Variants in ITFG1 observed in about 807,000 individuals in gnomAD.
ITFG1 encodes the protein T-cell immunomodulatory protein.
A neutral mutation model predicts 81.8 loss-of-function variants in ITFG1; 34 were observed. The observed-to-expected ratio is 0.42, with a 90% confidence interval of 0.32 to 0.55. ITFG1 has a LOEUF of 0.55. Among genes scored for constraint, ITFG1 ranks in the 20% least tolerant of loss-of-function variants. ITFG1 has a pLI of 0.17. For missense variants in ITFG1, 672 were observed against 755.4 expected, an observed-to-expected ratio of 0.89 and a Z score of 1.29; for synonymous variants, 285 against 270.6, an observed-to-expected ratio of 1.05 and a Z score of -0.52.
intron 6 of ITFG1, among the ~76,000 whole-genome samples, chr16:47,383,390 A>G (rs1227840148): frequency 6.6e-6 from 1 of 152,194 alleles, no homozygotes; most frequent in Non-Finnish European, 1.5e-5. Context: ...GTCTGCAATA[A>G]TTTGGTTTAT....
At chr16:47,183,057 C>T (rs1965152938) in intron 14 of ITFG1, among the ~76,000 whole-genome samples, 2 of 152,212 alleles carry the variant, frequency 1.3e-5, no homozygotes, top group Non-Finnish European at 2.9e-5. Context: ...CCGCGCTTTT[C>T]CGACGGGCTT....
At chr16:47,220,896 T>G (rs986043974) in intron 13 of ITFG1, among the ~76,000 whole-genome samples, 2 of 152,190 alleles carry the variant, frequency 1.3e-5, no homozygotes, top group African/African-American at 4.8e-5. Flanking sequence ...TTCAGAACTT[T>G]GCAAGAATCC....
intron 5 of ITFG1, among the ~76,000 whole-genome samples, chr16:47,442,615 A>G (rs1434145351): frequency 6.6e-6 from 1 of 152,170 alleles, no homozygotes; most frequent in African/African-American, 2.4e-5. Context: ...CAACTATCTG[A>G]TCTTTGACAA....
intron 6 of ITFG1, among the ~76,000 whole-genome samples, chr16:47,412,236 TC>T (rs1343072313): frequency 6.6e-6 from 1 of 151,988 alleles, no homozygotes. Context: ...CTGCACTAGA[TC>T]CCCAGCAACA....
intron 13 of ITFG1, among the ~76,000 whole-genome samples, chr16:47,223,541 C>T (rs1226126482): frequency 3.3e-5 from 5 of 152,154 alleles, no homozygotes; most frequent in Non-Finnish European, 4.4e-5. Context: ...GTTAGAATGG[C>T]AATCATTAAA....
intron 6 of ITFG1, among the ~76,000 whole-genome samples, chr16:47,416,259 TAA>T (rs936147055): frequency 6.7e-6 from 1 of 150,190 alleles, no homozygotes; most frequent in Non-Finnish European, 1.5e-5. Flanking sequence ...ATACATAACT[TAA>T]AAAAAAAGAG....
At chr16:47,423,825 G>A (rs1267230165) in intron 6 of ITFG1, among the ~76,000 whole-genome samples, 1 of 152,132 alleles carries the variant, frequency 6.6e-6, no homozygotes, top group Non-Finnish European at 1.5e-5. Context: ...TTCCCTTTGT[G>A]GGTAACCCGA....
intron 5 of ITFG1, among the ~76,000 whole-genome samples, chr16:47,436,197 T>A (rs1286242174): frequency 6.6e-6 from 1 of 152,166 alleles, no homozygotes; most frequent in Non-Finnish European, 1.5e-5. Context: ...AAAAAATTCA[T>A]CTATGAACTA....
At chr16:47,405,398 T>C (rs1219618335) in intron 6 of ITFG1, among the ~76,000 whole-genome samples, 1 of 152,230 alleles carries the variant, frequency 6.6e-6, no homozygotes, top group Non-Finnish European at 1.5e-5. Context: ...TGTTTATGAA[T>C]AGAACATTTT....
chr16:47,154,571 A>T lies in ITFG1; in HGVS notation c.*1148T>A, dbSNP rs1964674590. On this transcript the variant is annotated 3_prime_UTR_variant, in exon 18 of 18. Coordinates refer to ENST00000320640, the MANE Select transcript of ITFG1 (RefSeq NM_030790.5). The stretch of plus-strand genomic sequence containing the variant: ...ATACTAGAAAATTATTAGCATTGAT[A>T]AACTTTTTTTTTTCAGTCTTAAAGT... 1 of 152,184 alleles carries T rather than the reference A, an allele frequency of 6.6e-6. No individual in the cohort carries two copies. Among genetic ancestry groups the T allele is most frequent in the Non-Finnish European group, 1.5e-5 (1 of 68,032 alleles). 9.4% of individuals were successfully genotyped at this position (152,184 alleles called of 1,614,324 possible). A position where few individuals can be genotyped will look rare whatever the true frequency, so the allele number is the denominator to read the frequency against.
chr16:47,208,064 G>C (rs1053209925), intron 14 of ITFG1, among the ~76,000 whole-genome samples: 1 of 152,166 alleles, frequency 6.6e-6, no homozygotes, highest in Non-Finnish European at 1.5e-5. Context: ...CAGGAGACTG[G>C]AAAAGCCAAG....
intron 8 of ITFG1, among the ~76,000 whole-genome samples, chr16:47,342,502 C>A (rs1348684860): frequency 6.6e-6 from 1 of 151,760 alleles, no homozygotes; most frequent in Non-Finnish European, 1.5e-5. Flanking sequence ...CTAGTCAGAG[C>A]AATTAGACAG....
At chr16:47,260,746 C>T (rs1966201257) in intron 10 of ITFG1, 51 bp from the exon 11 acceptor site, 13 of 1,578,060 alleles carry the variant, frequency 8.2e-6, no homozygotes, top group Non-Finnish European at 1.1e-5. Context: ...AACACTGTGG[C>T]ATCGGCTCTG....
At chr16:47,349,584 G>C (rs1967918038) in intron 8 of ITFG1, among the ~76,000 whole-genome samples, 1 of 152,150 alleles carries the variant, frequency 6.6e-6, no homozygotes, top group African/African-American at 2.4e-5. Flanking sequence ...CCTACACAGA[G>C]ACTTAGACTC....
intron 12 of ITFG1, among the ~76,000 whole-genome samples, chr16:47,239,593 C>T (rs952807253): frequency 1.3e-5 from 2 of 152,084 alleles, no homozygotes; most frequent in African/African-American, 4.8e-5. Context: ...TATATTTCAT[C>T]ACAAAAGAGA....
intron 8 of ITFG1, among the ~76,000 whole-genome samples, chr16:47,333,355 A>G (rs1368289558): frequency 6.6e-6 from 1 of 152,206 alleles, no homozygotes. Context: ...TTATCCAAGG[A>G]TGTCTCCTCT....
rs1416002199 is a variant in ITFG1, at chr16:47,365,516, G to A, written c.802+272C>T. On this transcript the variant is annotated intron_variant, in intron 8 of 17. Transcript: ENST00000320640. ...GGTAATTAATACCTGGAATTCTCTA[G>A]AAAAAGTCTCAGTAGTTTTCTTGTT... 1.5e-5 allele frequency: 5 copies of A among 325,058 alleles called. No homozygotes were observed. In the East Asian group the frequency reaches 2.5e-4, roughly 16 times the overall value. The allele number at this position is 325,058 out of a possible 1,614,324, so 20.1% of individuals were successfully genotyped here. A position where few individuals can be genotyped will look rare whatever the true frequency, so the allele number is the denominator to read the frequency against.
At chr16:47,158,399 A>G (rs1179381277) in intron 17 of ITFG1, among the ~76,000 whole-genome samples, 2 of 152,022 alleles carry the variant, frequency 1.3e-5, no homozygotes, top group Non-Finnish European at 2.9e-5. Flanking sequence ...CTGGCTGTTT[A>G]TTGCTTCAGT....
intron 6 of ITFG1, among the ~76,000 whole-genome samples, chr16:47,400,435 A>C (rs2151599011): frequency 6.6e-6 from 1 of 150,784 alleles, no homozygotes; most frequent in East Asian, 2.0e-4. Flanking sequence ...AAAACCAGTT[A>C]ATAGGGAAGA....
Sources: allele counts gnomAD v4.1 joint callset (sites outside exome capture counted in the v4.1 genomes callset), GRCh38; gene constraint gnomAD v4.1.1; transcripts MANE v1.5; gene names NCBI Gene and HGNC (gene_info 2026-07-23, HGNC 2026-07-21).